PRICKLE1: variants seen among roughly 807,000 people sequenced by gnomAD.
The protein encoded by PRICKLE1 is prickle-like protein 1.
PRICKLE1 carries 14 observed loss-of-function variants against 70.2 expected under a neutral mutation model. The observed-to-expected ratio is 0.20, with a 90% CI of 0.13 to 0.31. The LOEUF (loss-of-function observed/expected upper bound fraction) is 0.31. Ranked by LOEUF, PRICKLE1 falls within the 10% of genes least tolerant of loss-of-function variation. PRICKLE1 has a pLI of 1.00. For synonymous variants in PRICKLE1, 357 were observed against 379.9 expected, an observed-to-expected ratio of 0.94 and a Z score of 0.70; for missense variants, 821 against 1,026.2, an observed-to-expected ratio of 0.80 and a Z score of 2.73.
chr12:42,516,163 G>T (rs550855475), intron 1 of PRICKLE1, among the ~76,000 whole-genome samples: 1 of 151,558 alleles, frequency 6.6e-6, no homozygotes, highest in South Asian at 2.1e-4. Context: ...ACAGAGTCTC[G>T]CTCTGTCGCT....
At chr12:42,509,052 T>G (rs1369773147) in intron 1 of PRICKLE1, among the ~76,000 whole-genome samples, 1 of 152,194 alleles carries the variant, frequency 6.6e-6, no homozygotes, top group Non-Finnish European at 1.5e-5. Context: ...TAGAAACAAT[T>G]GCATGTGGTT....
intron 1 of PRICKLE1, among the ~76,000 whole-genome samples, chr12:42,581,977 G>A (rs1340705010): frequency 6.6e-6 from 1 of 151,834 alleles, no homozygotes; most frequent in Non-Finnish European, 1.5e-5. Flanking sequence ...GTAAGGAAGG[G>A]GAGGGAAAAA....
At chr12:42,563,463 G>A (rs1268992296) in intron 1 of PRICKLE1, among the ~76,000 whole-genome samples, 1 of 151,662 alleles carries the variant, frequency 6.6e-6, no homozygotes, top group Non-Finnish European at 1.5e-5. Context: ...ACTTTGAGAG[G>A]CCGAGGCGGG....
At chr12:42,578,887 G>A (rs1481003910) in intron 1 of PRICKLE1, among the ~76,000 whole-genome samples, 5 of 151,940 alleles carry the variant, frequency 3.3e-5, no homozygotes, top group African/African-American at 9.7e-5. Flanking sequence ...TCAGCCTTGC[G>A]AGTAGCTGGG....
intron 1 of PRICKLE1, among the ~76,000 whole-genome samples, chr12:42,516,764 G>A (rs566465562): frequency 6.6e-6 from 1 of 152,194 alleles, no homozygotes; most frequent in Admixed American, 6.5e-5. Context: ...CCGTTTCCTT[G>A]GGAAACCCCC....
intron 1 of PRICKLE1, among the ~76,000 whole-genome samples, chr12:42,478,726 C>CTT (rs11300615): frequency 2.2e-5 from 3 of 136,618 alleles, no homozygotes; most frequent in Non-Finnish European, 3.1e-5. Flanking sequence ...CTGGGATACT[C>CTT]TTTTTTTTTT....
At chr12:42,491,925 A>C (rs1468325798) in intron 1 of PRICKLE1, among the ~76,000 whole-genome samples, 4 of 151,602 alleles carry the variant, frequency 2.6e-5, no homozygotes, top group Non-Finnish European at 5.9e-5. Flanking sequence ...CTGGGACTAC[A>C]TGTGCCCGCC....
intron 1 of PRICKLE1, among the ~76,000 whole-genome samples, chr12:42,551,189 A>G (rs1485301398): frequency 6.6e-6 from 1 of 152,230 alleles, no homozygotes; most frequent in Non-Finnish European, 1.5e-5. Flanking sequence ...CACCTATGCA[A>G]CCTTCAATTT....
chr12:42,477,955 CTTTT>C (rs35905569), intron 1 of PRICKLE1, among the ~76,000 whole-genome samples: 12 of 133,124 alleles, frequency 9.0e-5, no homozygotes, highest in Non-Finnish European at 1.6e-4. Context: ...CTGCCCTATA[CTTTT>C]TTTTTTTTTT....
chr12:42,586,710 T>C (rs368378640), intron 1 of PRICKLE1, among the ~76,000 whole-genome samples: 26 of 152,360 alleles, frequency 1.7e-4, no homozygotes, highest in South Asian at 1.0e-3. Context: ...GTAAAGATTC[T>C]TGTTCCATTT....
chr12:42,549,880 T>C (rs1200451759), intron 1 of PRICKLE1, among the ~76,000 whole-genome samples: 1 of 152,234 alleles, frequency 6.6e-6, no homozygotes, highest in African/African-American at 2.4e-5. Flanking sequence ...TAAGAGGTCC[T>C]TGAGCTTAAC....
rs1200715961 is a variant in PRICKLE1, at chr12:42,467,639, G to A, written c.588+987C>T. ...TGGGCACCTGCAATCCCAGCTACTC[G>A]GGGGGCTGAGGTGCAAGAATCACTT... On this transcript the variant is annotated intron_variant, in intron 5 of 7. Transcript: ENST00000345127. 6.6e-5 allele frequency among the ~76,000 whole-genome samples: 10 copies of A among 152,104 alleles called. No homozygotes were observed. The East Asian group carries it at 1.7e-3, about 27-fold the overall frequency.
At chr12:42,515,539 G>T (rs1190903283) in intron 1 of PRICKLE1, among the ~76,000 whole-genome samples, 1 of 151,996 alleles carries the variant, frequency 6.6e-6, no homozygotes, top group African/African-American at 2.4e-5. Flanking sequence ...AGCCCCTAAG[G>T]CATTATCTGT....
chr12:42,526,931 G>A lies in PRICKLE1; in HGVS notation c.-48-54367C>T, dbSNP rs1592002506. Among the ~76,000 whole-genome samples, 3 of 152,138 alleles carry A rather than the reference G, an allele frequency of 2.0e-5. No homozygotes were observed. The Middle Eastern group carries it at 0.01, about 517-fold the overall frequency. On this transcript the variant is annotated intron_variant, in intron 1 of 7. Transcript: ENST00000345127. The stretch of plus-strand genomic sequence containing the variant: ...TTACCAGATGGAATCAAGAGACTAT[G>A]TATGCTGCTTGAATGATATAGGGGT...
chr12:42,584,033 C>A (rs148825611), intron 1 of PRICKLE1, among the ~76,000 whole-genome samples: 31 of 152,130 alleles, frequency 2.0e-4, no homozygotes, highest in African/African-American at 7.2e-4. Context: ...TTTAAACCAC[C>A]AGTTTTAAAA....
At chr12:42,553,268 C>A (rs1258242703) in intron 1 of PRICKLE1, among the ~76,000 whole-genome samples, 1 of 151,858 alleles carries the variant, frequency 6.6e-6, no homozygotes, top group Non-Finnish European at 1.5e-5. Context: ...CACGGTGAAA[C>A]CCTGTCTCTA....
intron 1 of PRICKLE1, among the ~76,000 whole-genome samples, chr12:42,488,295 C>T (rs1381215093): frequency 6.6e-6 from 1 of 152,200 alleles, no homozygotes; most frequent in Non-Finnish European, 1.5e-5. Context: ...GTGTTTACAG[C>T]TGTGCTGTCT....
At chr12:42,499,126 G>T (rs1414057705) in intron 1 of PRICKLE1, among the ~76,000 whole-genome samples, 1 of 152,098 alleles carries the variant, frequency 6.6e-6, no homozygotes, top group Non-Finnish European at 1.5e-5. Context: ...AACTTATGGA[G>T]TACTCATATG....
chr12:42,517,848 G>C (rs1183706129), intron 1 of PRICKLE1, among the ~76,000 whole-genome samples: 1 of 151,880 alleles, frequency 6.6e-6, no homozygotes, highest in Non-Finnish European at 1.5e-5. Flanking sequence ...ATTTCCTTTG[G>C]TAGTCTGAAA....
Sources: gnomAD v4.1 joint callset for allele counts (sites outside exome capture counted in the v4.1 genomes callset) on GRCh38, gnomAD v4.1.1 for gene constraint, MANE v1.5 for transcripts, NCBI Gene and HGNC (gene_info 2026-07-23, HGNC 2026-07-21) for gene names.